Variants in LRRC7 observed in about 807,000 individuals in gnomAD.
LRRC7 encodes the protein leucine-rich repeat-containing protein 7.
In LRRC7, 23 loss-of-function variants were observed where a neutral mutation model predicts 175.7. The observed-to-expected ratio is 0.13, with a 90% confidence interval of 0.09 to 0.19. The LOEUF (loss-of-function observed/expected upper bound fraction) is 0.19, where lower values mean the gene tolerates loss of function less well. Among genes scored for constraint, LRRC7 ranks in the 10% least tolerant of loss-of-function variants. LRRC7 has a pLI of 1.00. For synonymous variants in LRRC7, 685 were observed against 680.9 expected, an observed-to-expected ratio of 1.01 and a Z score of -0.09; for missense variants, 1,354 against 1,904.7, an observed-to-expected ratio of 0.71 and a Z score of 5.38.
intron 2 of LRRC7, among the ~76,000 whole-genome samples, chr1:69,708,337 G>A (rs575865811): frequency 1.7e-4 from 26 of 152,062 alleles, no homozygotes; most frequent in African/African-American, 6.3e-4. Context: ...AGTCTACAAG[G>A]ACTGATCTCC....
chr1:69,577,990 T>TA (rs1280046475), intron 1 of LRRC7, among the ~76,000 whole-genome samples: 2 of 152,170 alleles, frequency 1.3e-5, no homozygotes, highest in Non-Finnish European at 2.9e-5. Flanking sequence ...ATTTTCATGA[T>TA]ATTGATTCTT....
chr1:69,694,839 C>T (rs1453542256), intron 2 of LRRC7, among the ~76,000 whole-genome samples: 2 of 151,970 alleles, frequency 1.3e-5, no homozygotes, highest in African/African-American at 4.8e-5. Context: ...TCACTAGAAG[C>T]AGATGCTGGC....
intron 8 of LRRC7, among the ~76,000 whole-genome samples, chr1:69,944,439 C>T (rs1034994877): frequency 2.6e-5 from 4 of 152,014 alleles, no homozygotes; most frequent in African/African-American, 7.2e-5. Flanking sequence ...CTTATACATC[C>T]CAGCTATCGT....
chr1:69,945,886 C>T (rs867445214), intron 8 of LRRC7, among the ~76,000 whole-genome samples: 1 of 151,982 alleles, frequency 6.6e-6, no homozygotes, highest in African/African-American at 2.4e-5. Flanking sequence ...TTAGTGGAAC[C>T]TTTGGGGCTT....
At position 69,956,391 on chromosome 1, in the gene LRRC7, A is replaced by G. The variant is rs555502329; in HGVS notation, c.712-23988A>G. 1.3e-4 allele frequency among the ~76,000 whole-genome samples: 20 copies of G among 152,000 alleles called. No homozygotes were observed. In the South Asian group the frequency reaches 4.1e-3, roughly 31 times the overall value. Reference sequence around the variant, plus strand: ...CATATGGGATTGGTGCTTGGTAAGTACTTGTTAAATTTTCAGGAGTGGACA... The same window carrying G: ...CATATGGGATTGGTGCTTGGTAAGTGCTTGTTAAATTTTCAGGAGTGGACA... On this transcript the variant is annotated intron_variant, in intron 8 of 26. Transcript: ENST00000651989.
chr1:69,914,036 T>A (rs1370098744), intron 7 of LRRC7, among the ~76,000 whole-genome samples: 2 of 152,070 alleles, frequency 1.3e-5, no homozygotes, highest in Admixed American at 6.6e-5. Context: ...AGTGAAAAAA[T>A]TCTTTTTTTA....
intron 2 of LRRC7, among the ~76,000 whole-genome samples, chr1:69,732,275 T>C (rs1006094374): frequency 6.6e-6 from 1 of 152,060 alleles, no homozygotes; most frequent in African/African-American, 2.4e-5. Context: ...AAAAGATTTT[T>C]TAAAGGTTGT....
intron 1 of LRRC7, among the ~76,000 whole-genome samples, chr1:69,625,499 C>T (rs1651354710): frequency 1.4e-5 from 2 of 140,560 alleles, no homozygotes; most frequent in Admixed American, 7.3e-5. Context: ...TACTATTTCC[C>T]ACCTTCCTAT....
intron 22 of LRRC7, among the ~76,000 whole-genome samples, chr1:70,049,985 C>G (rs748355478): frequency 6.6e-6 from 1 of 152,018 alleles, no homozygotes; most frequent in Non-Finnish European, 1.5e-5. Context: ...TAATACCACT[C>G]TCATATAATT....
At position 69,829,307 on chromosome 1, in the gene LRRC7, C is replaced by T. The variant is rs61784019; in HGVS notation, c.500+3481C>T. On this transcript the variant is annotated intron_variant, in intron 5 of 26. Coordinates refer to ENST00000651989, the MANE Select transcript of LRRC7 (RefSeq NM_001370785.2). ...CTCAACTGCTAAACTATATGAGTGT[C>T]TGGGTCTATTGTTATTCTATCTTTG... 2.1e-3 allele frequency among the ~76,000 whole-genome samples: 315 copies of T among 151,894 alleles called. 1 individual carries two copies. The highest frequency in any genetic ancestry group is 0.017 in the Middle Eastern group (5 of 294).
At chr1:70,073,413 T>C (rs923437630) in intron 23 of LRRC7, among the ~76,000 whole-genome samples, 1 of 152,080 alleles carries the variant, frequency 6.6e-6, no homozygotes, top group South Asian at 2.1e-4. Flanking sequence ...ATCACACCAC[T>C]GTACTCCAGC....
chr1:69,814,647 T>A (rs988243932), intron 4 of LRRC7, among the ~76,000 whole-genome samples: 6 of 152,180 alleles, frequency 3.9e-5, no homozygotes, highest in Non-Finnish European at 7.3e-5. Flanking sequence ...ACTACACTTT[T>A]AACTACTACT....
chr1:69,838,173 A>G lies in LRRC7; in HGVS notation c.591-54A>G. ...GCTACCAAATACTAGATCTTATTCA[A>G]TAATTTTTTAGACAGACATACTAAG... On this transcript the variant is annotated intron_variant, in intron 6 of 26. Transcript: ENST00000651989. The G allele has an allele frequency of 3.9e-6, 5 of 1,270,606 alleles. No homozygotes were observed. In the Admixed American group the frequency reaches 8.6e-5, roughly 22 times the overall value. The allele number at this position is 1,270,606 out of a possible 1,614,324, so 78.7% of individuals were successfully genotyped here. A position where few individuals can be genotyped will look rare whatever the true frequency, so the allele number is the denominator to read the frequency against.
intron 2 of LRRC7, among the ~76,000 whole-genome samples, chr1:69,680,307 C>T (rs577560789): frequency 3.3e-5 from 5 of 152,074 alleles, no homozygotes; most frequent in Non-Finnish European, 7.4e-5. Context: ...TCAGACGATA[C>T]TAAATCGTTA....
intron 2 of LRRC7, among the ~76,000 whole-genome samples, chr1:69,705,743 A>C (rs1214511689): frequency 6.6e-6 from 1 of 152,062 alleles, no homozygotes; most frequent in African/African-American, 2.4e-5. Context: ...AGAAAAACTC[A>C]GTTATTGAAG....
At chr1:70,012,464 A>G (rs1344325074) in intron 12 of LRRC7, among the ~76,000 whole-genome samples, 1 of 151,898 alleles carries the variant, frequency 6.6e-6, no homozygotes, top group African/African-American at 2.4e-5. Flanking sequence ...TACATTTTCA[A>G]TTGAGCATTT....
chr1:69,581,295 TAGG>T (rs1460991584), intron 1 of LRRC7, among the ~76,000 whole-genome samples: 2 of 152,144 alleles, frequency 1.3e-5, no homozygotes, highest in Non-Finnish European at 2.9e-5. Context: ...ATTCATGAAT[TAGG>T]AGATGTTTAC....
chr1:69,621,023 A>G (rs1240602481), intron 1 of LRRC7, among the ~76,000 whole-genome samples: 2 of 150,938 alleles, frequency 1.3e-5, no homozygotes, highest in Non-Finnish European at 3.0e-5. Context: ...CTACTTTCTT[A>G]TATTTCTTTC....
At chr1:69,912,889 A>G (rs1218880862) in intron 7 of LRRC7, among the ~76,000 whole-genome samples, 1 of 152,200 alleles carries the variant, frequency 6.6e-6, no homozygotes, top group Non-Finnish European at 1.5e-5. Flanking sequence ...TTTTTTAACA[A>G]ATATACCTTA....
Sources: allele counts gnomAD v4.1 joint callset (sites outside exome capture counted in the v4.1 genomes callset), GRCh38; gene constraint gnomAD v4.1.1; transcripts MANE v1.5; gene names NCBI Gene and HGNC (gene_info 2026-07-23, HGNC 2026-07-21).